Variants in MAGEC3 observed in about 807,000 individuals in gnomAD.
The protein encoded by MAGEC3 is melanoma-associated antigen C3.
In MAGEC3, 34 loss-of-function variants were observed where a neutral mutation model predicts 35.3. That is an observed-to-expected ratio of 0.96 (90% confidence interval 0.73 to 1.28). The LOEUF is 1.28. Among genes scored for constraint, MAGEC3 ranks in the 50% most tolerant of loss-of-function variants. The pLI is 0.00. For synonymous variants in MAGEC3, 202 were observed against 185.6 expected (o/e 1.09, Z -0.72); for missense variants, 561 against 483.6 (o/e 1.16, Z -1.50).
In MAGEC3 at chrX:141,880,641, C is replaced by T. The variant is rs191964193; in HGVS notation, c.516-762C>T. 1,811 of 394,652 alleles carry T rather than the reference C, an allele frequency of 4.6e-3. 30 individuals carry two copies. Among genetic ancestry groups the T allele is most frequent in the African/African-American group, 0.044 (1,656 of 37,273 alleles). The allele number at this position is 394,652 out of a possible 1,213,427, so 32.5% of individuals were successfully genotyped here. On this transcript the variant is annotated intron_variant, in intron 3 of 7. Coordinates refer to ENST00000298296, the MANE Select transcript of MAGEC3 (RefSeq NM_138702.1). ...CCTGACTGTGTACCAAGGGCCCTAC[C>T]CCCACAAACAGAGCAGACCTGGCAG...
chrX:141,875,533 T>C (rs755141419), intron 2 of MAGEC3, among the ~76,000 whole-genome samples: 2 of 111,048 alleles, frequency 1.8e-5, no homozygotes, highest in South Asian at 7.8e-4. Context: ...AATAAGGAAC[T>C]GAAGGTGAGT....
chrX:141,852,340 A>G (rs975790639), intron 1 of MAGEC3, among the ~76,000 whole-genome samples: 1 of 110,291 alleles, frequency 9.1e-6, no homozygotes, highest in African/African-American at 3.3e-5. Flanking sequence ...TTTTGTGTGT[A>G]TGTGCGGATC....
chrX:141,857,947 C>G (rs2017791678), intron 1 of MAGEC3, among the ~76,000 whole-genome samples: 1 of 110,945 alleles, frequency 9.0e-6, no homozygotes, highest in South Asian at 3.8e-4. Context: ...TTCTTAATGC[C>G]TATATCTTGA....
At position 141,894,853 on chromosome X, in the gene MAGEC3, C is replaced by A. The variant is rs374304322; in HGVS notation, c.910-416C>A. 2,082 of 871,460 alleles carry A rather than the reference C, an allele frequency of 2.4e-3. 4 individuals carry two copies. The highest frequency in any genetic ancestry group is 0.011 in the Middle Eastern group (30 of 2,857). The allele number at this position is 871,460 out of a possible 1,213,427, so 71.8% of individuals were successfully genotyped here. A position where few individuals can be genotyped will look rare whatever the true frequency, so the allele number is the denominator to read the frequency against. On this transcript the variant is annotated intron_variant, in intron 4 of 7. Coordinates refer to ENST00000298296, the MANE Select transcript of MAGEC3 (RefSeq NM_138702.1). Reference sequence around the variant, plus strand: ...GGTGGGCGAAGGGCAGGGAAGTGGACAGGAACAGGTGGGAGTGGGGAGGTA... The same window carrying A: ...GGTGGGCGAAGGGCAGGGAAGTGGAAAGGAACAGGTGGGAGTGGGGAGGTA...
In MAGEC3 at chrX:141,896,469, T is replaced by C. The variant is rs767047165; in HGVS notation, c.1124-413T>C. On this transcript the variant is annotated intron_variant, in intron 6 of 7. Transcript: ENST00000298296. ...AAACCTCTTAGGAAGACAGGCGACC[T>C]GTGAGGCCCTAGAGCACCACCTTAA... 5.1e-3 allele frequency: 5,957 copies of C among 1,161,443 alleles called. 16 individuals are homozygous for C. The highest frequency in any genetic ancestry group is 0.011 in the Middle Eastern group (36 of 3,203).
intron 4 of MAGEC3, among the ~76,000 whole-genome samples, chrX:141,892,251 T>C (rs1218059350): frequency 8.9e-6 from 1 of 112,066 alleles, no homozygotes; most frequent in East Asian, 2.8e-4. Context: ...GATCGTTCCA[T>C]GACAGCACAA....
Position 141,897,378 on chromosome X carries a change from C to G in MAGEC3, c.1620C>G (p.Asp540Glu). 1 of 1,211,686 alleles carries G rather than the reference C, an allele frequency of 8.3e-7. No homozygotes were observed. The highest frequency in any genetic ancestry group is 1.1e-6 in the Non-Finnish European group (1 of 895,514). The change falls in exon 7 of 8, where the codon GAC becomes GAG. Residue 540 changes from aspartate (D) to glutamate (E), a missense_variant. Asp to Glu is a conservative substitution (Grantham distance 45, BLOSUM62 2). Coordinates refer to ENST00000298296, the MANE Select transcript of MAGEC3 (RefSeq NM_138702.1). ...CCTATGAGGGAAGCCTGATTGATGA[C>G]CAGGGCATGCCCAAGAACTGTCTCC... ...DLTYEGSLID[D>E]QGMPKNCLLI... is the part of the protein sequence containing the mutation.
At chrX:141,876,642 AT>A (rs2017921871) in intron 2 of MAGEC3, among the ~76,000 whole-genome samples, 1 of 111,979 alleles carries the variant, frequency 8.9e-6, no homozygotes, top group African/African-American at 3.2e-5. Flanking sequence ...ATGTCTGTGT[AT>A]TTCTGAGGTT....
intron 4 of MAGEC3, among the ~76,000 whole-genome samples, chrX:141,890,284 G>A (rs770470033): frequency 3.6e-5 from 4 of 110,988 alleles, no homozygotes; most frequent in South Asian, 7.8e-4. Context: ...GGCTCACTGC[G>A]AACTCTGCCT....
intron 1 of MAGEC3, 63 bp downstream of exon 1, chrX:141,838,501 T>A (rs921115956): frequency 8.5e-7 from 1 of 1,171,647 alleles, no homozygotes; most frequent in African/African-American, 1.8e-5. Flanking sequence ...TTCTTTTGCA[T>A]CTCAGCCTCA....
intron 4 of MAGEC3, among the ~76,000 whole-genome samples, chrX:141,887,912 T>C (rs1410673506): frequency 8.9e-6 from 1 of 112,266 alleles, no homozygotes; most frequent in East Asian, 2.8e-4. Flanking sequence ...TACTGGGCTT[T>C]CATGGAAACT....
intron 1 of MAGEC3, among the ~76,000 whole-genome samples, chrX:141,861,517 T>C (rs1031441585): frequency 8.9e-6 from 1 of 111,760 alleles, no homozygotes; most frequent in Admixed American, 9.5e-5. Flanking sequence ...GGCGTAACAC[T>C]ACCTGACTTC....
rs761661681 is a variant in MAGEC3 at position 141,896,936 on chromosome X, A to C, written c.1178A>C (p.Glu393Ala). 37 of 1,182,865 alleles carry C rather than the reference A, an allele frequency of 3.1e-5. No homozygotes were observed. Among genetic ancestry groups the C allele is most frequent in the Non-Finnish European group, 4.1e-5 (36 of 881,526 alleles). The change falls in exon 7 of 8, where the codon GAG (glutamate) becomes GCG (alanine). Residue 393 changes from glutamate to alanine, a missense_variant. By Grantham distance (107) the Glu-to-Ala change is moderately radical. Transcript: ENST00000298296. ...CCACCTCTTCCCCAGAGTCCTCCTG[A>C]GATTCCTCCCCAGGGTCCTCCCAAG... ...GMPPLPQSPP[E>A]IPPQGPPKIS...
At chrX:141,876,822 T>G (rs2017922583) in intron 2 of MAGEC3, among the ~76,000 whole-genome samples, 1 of 112,348 alleles carries the variant, frequency 8.9e-6, no homozygotes. Context: ...CTGCAAGTTT[T>G]AAAAATCAGT....
intron 4 of MAGEC3, among the ~76,000 whole-genome samples, chrX:141,885,494 G>A (rs1285581641): frequency 3.7e-5 from 4 of 107,502 alleles, no homozygotes; most frequent in Non-Finnish European, 5.8e-5. Flanking sequence ...GTGAAACCCC[G>A]TCTCTACTAA....
At chrX:141,873,235 C>G (rs1569474010) in intron 2 of MAGEC3, among the ~76,000 whole-genome samples, 1 of 110,908 alleles carries the variant, frequency 9.0e-6, no homozygotes, top group Non-Finnish European at 1.9e-5. Flanking sequence ...CTGGGAGGGA[C>G]AGTTTTGTAT....
chrX:141,881,762 AG>A lies in MAGEC3; in HGVS notation c.877del (p.Glu293ArgfsTer7), dbSNP rs759668483. The A allele has an allele frequency of 8.3e-6, 10 of 1,211,478 alleles. No individual in the cohort carries two copies. The highest frequency in any genetic ancestry group is 1.1e-5 in the Non-Finnish European group (10 of 895,411). ...TTCATAAAGGGCAACTGTGCATCTG[AG>A]GAGGTCATCTGGGAAGTGCTGAATG... ...VIFIKGNCAS[E>X]EVIWEVLNAI... On this transcript the variant is annotated frameshift_variant, in exon 4 of 8. Transcript: ENST00000298296. LOFTEE classifies it high-confidence loss of function.
chrX:141,890,088 A>G (rs1189371007), intron 4 of MAGEC3, among the ~76,000 whole-genome samples: 2 of 111,749 alleles, frequency 1.8e-5, no homozygotes, highest in African/African-American at 6.5e-5. Context: ...GGATCGGTGC[A>G]TTTCTGGTTG....
At position 141,897,042 on chromosome X, in the gene MAGEC3, G is replaced by A. The variant is rs377209608; in HGVS notation, c.1284G>A (p.Leu428=). ...CATCCCCTCTTTTGTGGACCCGATT[G>A]GATGAGGAGTCCAGCAGTGAAGAGG... ...SCSSPLLWTR[L]DEESSSEEED... is the part of the protein sequence containing the mutation. Residue 428 remains leucine (L), a synonymous_variant, in exon 7 of 8, where the codon TTG becomes TTA. Coordinates refer to ENST00000298296, the MANE Select transcript of MAGEC3 (RefSeq NM_138702.1). 6.4e-5 allele frequency: 78 copies of A among 1,209,421 alleles called. No individual in the cohort carries two copies. The African/African-American group carries it at 1.2e-3, about 18-fold the overall frequency.
Sources: gnomAD v4.1 joint callset for allele counts (sites outside exome capture counted in the v4.1 genomes callset) on GRCh38, gnomAD v4.1.1 for gene constraint, MANE v1.5 for transcripts, NCBI Gene and HGNC (gene_info 2026-07-23, HGNC 2026-07-21) for gene names.